KSR1: variants seen among roughly 807,000 people sequenced by gnomAD.
KSR1 encodes the protein kinase suppressor of ras.
A neutral mutation model predicts 92.9 loss-of-function variants in KSR1; 35 were observed. That is an observed-to-expected ratio of 0.38 (90% CI 0.29 to 0.50). The LOEUF (loss-of-function observed/expected upper bound fraction) is 0.50, where lower values mean the gene tolerates loss of function less well. KSR1 is among the 20% of genes least tolerant of loss of function. The pLI is 0.94. For missense variants in KSR1, 972 were observed against 1,158.5 expected (o/e 0.84, Z 2.34); for synonymous variants, 467 against 472.6 (o/e 0.99, Z 0.15).
At chr17:27,493,633 C>T (rs1965116403) in intron 1 of KSR1, among the ~76,000 whole-genome samples, 1 of 152,130 alleles carries the variant, frequency 6.6e-6, no homozygotes, top group Non-Finnish European at 1.5e-5. Context: ...GCTGATTTTA[C>T]CCTTCCAACT....
intron 1 of KSR1, among the ~76,000 whole-genome samples, chr17:27,532,714 G>A (rs1039046110): frequency 6.6e-5 from 10 of 152,180 alleles, no homozygotes; most frequent in African/African-American, 2.4e-4. Flanking sequence ...TCTCCCAGGC[G>A]CTGCTTTTCC....
chr17:27,468,772 C>T (rs987276775), intron 1 of KSR1, among the ~76,000 whole-genome samples: 5 of 152,202 alleles, frequency 3.3e-5, no homozygotes, highest in Non-Finnish European at 2.9e-5. Flanking sequence ...TGCAGAGTGT[C>T]CATCTCACTA....
chr17:27,582,862 G>C lies in KSR1; in HGVS notation c.737G>C (p.Gly246Ala). 1 of 1,613,436 alleles carries C rather than the reference G, an allele frequency of 6.2e-7. No homozygotes were observed. The highest frequency in any genetic ancestry group is 8.5e-7 in the Non-Finnish European group (1 of 1,179,700). Residue 246 changes from glycine (G) to alanine (A), a missense_variant, in exon 4 of 21, where the codon GGC (glycine) becomes GCC (alanine). Transcript: ENST00000644974. ...TCCCCCACCCCCAGCTTCAGTGAGG[G>C]CCTCTCAGACACCTGTATTCCCCTG... Reference protein sequence around the residue: ...SDSPTPSFSEGLSDTCIPLHA... With the variant: ...SDSPTPSFSEALSDTCIPLHA...
At position 27,582,812 on chromosome 17, in the gene KSR1, C is replaced by G. The variant is rs374433220; in HGVS notation, c.687C>G (p.Ser229=). The G allele has an allele frequency of 2.5e-6, 4 of 1,613,438 alleles. No homozygotes were observed. Among genetic ancestry groups the G allele is most frequent in the East Asian group, 2.2e-5 (1 of 44,870 alleles). ...GCGCCCAGGGCCCACGCTCCATCTC[C>G]GTGTCAGCTCTGCCCGCCTCAGACT... ...GNSAQGPRSI[S]VSALPASDSP... Residue 229 remains serine (S), a synonymous_variant, in exon 4 of 21, where the codon TCC becomes TCG. Transcript: ENST00000644974.
intron 1 of KSR1, among the ~76,000 whole-genome samples, chr17:27,530,435 A>C (rs912113585): frequency 6.6e-6 from 1 of 150,584 alleles, no homozygotes; most frequent in Non-Finnish European, 1.5e-5. Flanking sequence ...ACAGAGTGAG[A>C]CCCTGTCTCA....
intron 2 of KSR1, among the ~76,000 whole-genome samples, chr17:27,568,022 G>C (rs911567416): frequency 2.0e-5 from 3 of 152,198 alleles, no homozygotes; most frequent in East Asian, 1.9e-4. Flanking sequence ...GGTCTCCCCA[G>C]CTTCTCCTCG....
At chr17:27,492,190 C>G (rs1456676653) in intron 1 of KSR1, among the ~76,000 whole-genome samples, 1 of 152,096 alleles carries the variant, frequency 6.6e-6, no homozygotes, top group Non-Finnish European at 1.5e-5. Flanking sequence ...AATAGAAATT[C>G]ATGAAGGCTC....
chr17:27,580,576 G>A (rs968694037), intron 3 of KSR1, among the ~76,000 whole-genome samples: 1 of 152,152 alleles, frequency 6.6e-6, no homozygotes, highest in Non-Finnish European at 1.5e-5. Context: ...GGAGCACGGT[G>A]CTGAGATCGA....
chr17:27,590,357 C>T lies in KSR1; in HGVS notation c.1047-454C>T, dbSNP rs190807720. 7.5e-4 allele frequency among the ~76,000 whole-genome samples: 115 copies of T among 152,320 alleles called. 1 individual carries two copies. The highest frequency in any genetic ancestry group is 2.9e-4 in the Non-Finnish European group (20 of 68,030). ...AGTTTCTTGCTGCATAGTATTCCAT[C>T]GTATGGAAAGACCATATTTTAGTCA... On this transcript the variant is annotated intron_variant, in intron 6 of 20. Transcript: ENST00000644974.
rs540236529 is a variant in KSR1, at chr17:27,596,912, A to G, written c.1300-356A>G. Among the ~76,000 whole-genome samples, 4 of 152,346 alleles carry G rather than the reference A, an allele frequency of 2.6e-5. No individual in the cohort carries two copies. In the South Asian group the frequency reaches 6.2e-4, roughly 24 times the overall value. Reference sequence around the variant, plus strand: ...CAAGGTAGTGGGAGAGACTTTCATCAGGAAAGTGCCCGTGGACATCTGCAG... The same window carrying G: ...CAAGGTAGTGGGAGAGACTTTCATCGGGAAAGTGCCCGTGGACATCTGCAG... On this transcript the variant is annotated intron_variant, in intron 9 of 20. Coordinates refer to ENST00000644974, the MANE Select transcript of KSR1 (RefSeq NM_001394583.1).
intron 5 of KSR1, among the ~76,000 whole-genome samples, chr17:27,587,945 C>T (rs1661165626): frequency 6.6e-6 from 1 of 152,228 alleles, no homozygotes; most frequent in Admixed American, 6.5e-5. Context: ...CTCGTTCTAT[C>T]TGCCCATATC....
At position 27,615,789 on chromosome 17, in the gene KSR1, A is replaced by G. The variant is rs913528867; in HGVS notation, c.2494-1506A>G. On this transcript the variant is annotated intron_variant, in intron 18 of 20. Coordinates refer to ENST00000644974, the MANE Select transcript of KSR1 (RefSeq NM_001394583.1). ...AAATAAACTGCGAGTGAAACCTGAA[A>G]AAACTGCCTCCCAGTGGAAGAATGG... Among the ~76,000 whole-genome samples the G allele has an allele frequency of 6.6e-5, 10 of 152,342 alleles. 1 individual carries two copies. Among genetic ancestry groups the G allele is most frequent in the Admixed American group, 2.0e-4 (3 of 15,308 alleles).
rs62057840 is a variant in KSR1, at chr17:27,620,297, C to T, written c.2628-896C>T. Reference sequence around the variant, plus strand: ...TAGGCAGCCATTGCTGCACACCTGCCGCATGCCTGCACACCTGCCGCATTG... The same window carrying T: ...TAGGCAGCCATTGCTGCACACCTGCTGCATGCCTGCACACCTGCCGCATTG... On this transcript the variant is annotated intron_variant, in intron 19 of 20. Coordinates refer to ENST00000644974, the MANE Select transcript of KSR1 (RefSeq NM_001394583.1). 8.3e-3 allele frequency among the ~76,000 whole-genome samples: 1,257 copies of T among 152,220 alleles called. 12 individuals are homozygous for T. The highest frequency in any genetic ancestry group is 0.013 in the Non-Finnish European group (905 of 68,018).
At position 27,526,999 on chromosome 17, in the gene KSR1, C is replaced by G. The variant is rs189144327; in HGVS notation, c.232-23569C>G. On this transcript the variant is annotated intron_variant, in intron 1 of 20. Transcript: ENST00000644974. ...GTTTTAGTCCAAGCCTTGATGTTCT[C>G]CCAGCCCTTCTTCAGCTGTTTGAAA... 4.8e-4 allele frequency: 257 copies of G among 530,584 alleles called. 1 individual carries two copies. Among genetic ancestry groups the G allele is most frequent in the Non-Finnish European group, 7.7e-4 (217 of 283,138 alleles). 32.9% of individuals were successfully genotyped at this position (530,584 alleles called of 1,614,324 possible). A position where few individuals can be genotyped will look rare whatever the true frequency, so the allele number is the denominator to read the frequency against.
intron 1 of KSR1, among the ~76,000 whole-genome samples, chr17:27,493,217 A>C (rs1257787628): frequency 1.3e-5 from 2 of 152,236 alleles, no homozygotes; most frequent in East Asian, 3.8e-4. Flanking sequence ...TAAATGAAGA[A>C]AGTGAGGCTT....
chr17:27,543,519 G>T (rs1043619683), intron 1 of KSR1, among the ~76,000 whole-genome samples: 1 of 152,214 alleles, frequency 6.6e-6, no homozygotes, highest in Non-Finnish European at 1.5e-5. Flanking sequence ...AGTGGCACGT[G>T]CTTCTCCTTG....
chr17:27,609,081 A>G, intron 15 of KSR1, 115 bp from the exon 16 acceptor site: 1 of 1,231,426 alleles, frequency 8.1e-7, no homozygotes, highest in Non-Finnish European at 1.1e-6. Flanking sequence ...AAATGGGGAC[A>G]ATATACTGCA....
intron 1 of KSR1, among the ~76,000 whole-genome samples, chr17:27,520,510 T>G (rs1388549479): frequency 1.3e-5 from 2 of 152,256 alleles, no homozygotes; most frequent in African/African-American, 4.8e-5. Flanking sequence ...ATAAGTGTTG[T>G]GTCCCCAAGG....
At chr17:27,507,532 A>G (rs2069432312) in intron 1 of KSR1, among the ~76,000 whole-genome samples, 1 of 151,196 alleles carries the variant, frequency 6.6e-6, no homozygotes, top group South Asian at 2.1e-4. Flanking sequence ...TTGATTAAAT[A>G]AAATAGATCA....
Sources: allele counts gnomAD v4.1 joint callset (sites outside exome capture counted in the v4.1 genomes callset), GRCh38; gene constraint gnomAD v4.1.1; transcripts MANE v1.5; gene names NCBI Gene and HGNC (gene_info 2026-07-23, HGNC 2026-07-21).